The following TNFRSF21 variants were observed in gnomAD, a reference collection of about 807,000 sequenced individuals.
The protein encoded by TNFRSF21 is TNF receptor superfamily member 21, also known as tumor necrosis factor receptor superfamily member 21.
TNFRSF21 carries 19 observed loss-of-function variants against 45.6 expected under a neutral mutation model. The ratio of observed to expected loss-of-function variants is 0.42; its 90% CI spans 0.29 to 0.61. The LOEUF is 0.61. Among genes scored for constraint, TNFRSF21 ranks in the 20% least tolerant of loss-of-function variants. The pLI is 0.23. For synonymous variants in TNFRSF21, 314 were observed against 335.5 expected, an observed-to-expected ratio of 0.94 and a Z score of 0.70; for missense variants, 737 against 851.5, an observed-to-expected ratio of 0.87 and a Z score of 1.67.
At chr6:47,271,611 G>A (rs540205653) in intron 3 of TNFRSF21, among the ~76,000 whole-genome samples, 4 of 152,140 alleles carry the variant, frequency 2.6e-5, no homozygotes, top group African/African-American at 4.8e-5. Flanking sequence ...ATCAATTAAC[G>A]GGCAAAATAA....
At chr6:47,281,545 T>A (rs1762567288) in intron 3 of TNFRSF21, among the ~76,000 whole-genome samples, 1 of 152,146 alleles carries the variant, frequency 6.6e-6, no homozygotes, top group Non-Finnish European at 1.5e-5. Context: ...CATACCTGGC[T>A]AATTACTGTA....
intron 1 of TNFRSF21, among the ~76,000 whole-genome samples, chr6:47,297,705 T>C (rs994976633): frequency 5.9e-5 from 9 of 152,088 alleles, no homozygotes; most frequent in African/African-American, 2.2e-4. Flanking sequence ...ATATTTTTAG[T>C]AGAGACGGGA....
chr6:47,296,034 C>G (rs1422237965), intron 1 of TNFRSF21, among the ~76,000 whole-genome samples: 1 of 152,194 alleles, frequency 6.6e-6, no homozygotes, highest in Non-Finnish European at 1.5e-5. Context: ...CCTGGGGCCA[C>G]AGAACCTCAT....
At chr6:47,259,107 A>T (rs1350601284) in intron 3 of TNFRSF21, among the ~76,000 whole-genome samples, 1 of 152,262 alleles carries the variant, frequency 6.6e-6, no homozygotes, top group African/African-American at 2.4e-5. Flanking sequence ...GAAGACAATG[A>T]AAGTTCCCAC....
At chr6:47,241,867 G>T (rs1245219399) in intron 4 of TNFRSF21, among the ~76,000 whole-genome samples, 1 of 152,036 alleles carries the variant, frequency 6.6e-6, no homozygotes, top group Non-Finnish European at 1.5e-5. Flanking sequence ...TTCTTCTCCT[G>T]CACAGCCCAG....
chr6:47,270,912 T>C (rs1174188209), intron 3 of TNFRSF21, among the ~76,000 whole-genome samples: 2 of 152,062 alleles, frequency 1.3e-5, no homozygotes, highest in Non-Finnish European at 2.9e-5. Flanking sequence ...GAAAATAGGG[T>C]ATCAGTGATT....
In TNFRSF21 at chr6:47,253,342, G is replaced by T; in HGVS notation, c.1423C>A (p.Leu475Ile). The change falls in exon 4 of 6, where the codon CTC becomes ATC. Residue 475 changes from leucine (L) to isoleucine (I), a missense_variant. Coordinates refer to ENST00000296861, the MANE Select transcript of TNFRSF21 (RefSeq NM_014452.5). Reference protein sequence around the residue: ...HWTIRGPEASLAQLISALRQH... With the variant: ...HWTIRGPEASIAQLISALRQH... ...CGCAGGGCGCTAATTAGCTGGGCGA[G>T]GCTGGCCTCGGGGCCCCGGATGGTC... The T allele has an allele frequency of 1.2e-6, 2 of 1,614,074 alleles. No homozygotes were observed. Among genetic ancestry groups the T allele is most frequent in the Non-Finnish European group, 1.7e-6 (2 of 1,180,006 alleles).
In TNFRSF21 at chr6:47,309,544, G is replaced by T; in HGVS notation, c.-33C>A. ...CCGGGGACTCGCAGGGGCGCCCGGGGCGCGCGGGGCAGCTGGAATCGGCGG... is the reference window on the plus strand; with the variant it reads ...CCGGGGACTCGCAGGGGCGCCCGGGTCGCGCGGGGCAGCTGGAATCGGCGG... On this transcript the variant is annotated 5_prime_UTR_variant, in exon 1 of 6. Coordinates refer to ENST00000296861, the MANE Select transcript of TNFRSF21 (RefSeq NM_014452.5). 7.1e-7 allele frequency: 1 copy of T among 1,403,510 alleles called. No homozygotes were observed. Among genetic ancestry groups the T allele is most frequent in the Non-Finnish European group, 9.2e-7 (1 of 1,087,808 alleles). 86.9% of individuals were successfully genotyped at this position (1,403,510 alleles called of 1,614,324 possible). A position where few individuals can be genotyped will look rare whatever the true frequency, so the allele number is the denominator to read the frequency against.
rs762869357 is a variant in TNFRSF21, at chr6:47,253,410, T to C, written c.1355A>G (p.Tyr452Cys). The change falls in exon 4 of 6, where the codon TAC becomes TGC. Residue 452 changes from tyrosine (Y) to cysteine (C), a missense_variant. Physicochemically the swap from Tyr to Cys is radical, Grantham distance 194 (BLOSUM62 -2). Transcript: ENST00000296861. ...GTAGGCCCGCTCGTGGTCGGCTGTG[T>C]ACCCATTGGAGAAAGCAGCAACCTC... The part of the protein sequence containing the change: ...EREVAAFSNG[Y>C]TADHERAYAA... The C allele has an allele frequency of 2.5e-6, 4 of 1,614,184 alleles. No individual in the cohort carries two copies. Among genetic ancestry groups the C allele is most frequent in the Non-Finnish European group, 2.5e-6 (3 of 1,180,018 alleles).
chr6:47,309,608 G>C lies in TNFRSF21; in HGVS notation c.-97C>G. On this transcript the variant is annotated 5_prime_UTR_variant, in exon 1 of 6. Transcript: ENST00000296861. ...GCGCCGCATCCACCGCCGCCTCCCG[G>C]GCCGGGAGCCCATCTACCTCCAACA... is the stretch of plus-strand genomic sequence containing the variant. The C allele has an allele frequency of 2.9e-6, 4 of 1,365,980 alleles. No homozygotes were observed. Among genetic ancestry groups the C allele is most frequent in the Non-Finnish European group, 3.7e-6 (4 of 1,068,046 alleles). 84.6% of individuals were successfully genotyped at this position (1,365,980 alleles called of 1,614,324 possible).
chr6:47,270,784 AT>A (rs1305204347), intron 3 of TNFRSF21, among the ~76,000 whole-genome samples: 8 of 152,208 alleles, frequency 5.3e-5, no homozygotes, highest in African/African-American at 1.9e-4. Context: ...AGTTAGACTA[AT>A]GGCTAACTAG....
Position 47,286,460 on chromosome 6 carries a change from C to T in TNFRSF21, c.232G>A (p.Glu78Lys). ...CGCAGGCTTGTGTTGGTACAATGCT[C>T]AGAGACATAGGTTCCTGCTGGACAC... ...DKCPAGTYVS[E>K]HCTNTSLRVC... The change falls in exon 2 of 6, where the codon GAG becomes AAG. Residue 78 changes from glutamate (E) to lysine (K), a missense_variant. Physicochemically the swap from Glu to Lys is moderately conservative, Grantham distance 56 (BLOSUM62 1). Coordinates refer to ENST00000296861, the MANE Select transcript of TNFRSF21 (RefSeq NM_014452.5). The T allele has an allele frequency of 6.2e-7, 1 of 1,614,236 alleles. No homozygotes were observed. The highest frequency in any genetic ancestry group is 8.5e-7 in the Non-Finnish European group (1 of 1,180,050).
chr6:47,309,161 T>G (rs1203416542), intron 1 of TNFRSF21, among the ~76,000 whole-genome samples: 2 of 152,118 alleles, frequency 1.3e-5, no homozygotes, highest in African/African-American at 4.8e-5. Flanking sequence ...TAGCGTCTCC[T>G]CCAGCAAAGC....
Position 47,284,423 on chromosome 6 carries a change from G to A in TNFRSF21, c.758C>T (p.Ser253Leu). Reference protein sequence around the residue: ...SSTYVPKGMNSTESNSSASVR... With the variant: ...SSTYVPKGMNLTESNSSASVR... Reference sequence around the variant, plus strand: ...AGAGGCAGAAGAGTTGGATTCTGTTGAGTTCATGCCTAGAAAAAAGAGTAA... The same window carrying A: ...AGAGGCAGAAGAGTTGGATTCTGTTAAGTTCATGCCTAGAAAAAAGAGTAA... The change falls in exon 3 of 6, where the codon TCA becomes TTA. Residue 253 changes from serine (S) to leucine (L), a missense_variant. Physicochemically the swap from Ser to Leu is moderately radical, Grantham distance 145. Transcript: ENST00000296861. 1 of 1,517,680 alleles carries A rather than the reference G, an allele frequency of 6.6e-7. No individual in the cohort carries two copies. Among genetic ancestry groups the A allele is most frequent in the Non-Finnish European group, 8.8e-7 (1 of 1,134,742 alleles). 94.0% of individuals were successfully genotyped at this position (1,517,680 alleles called of 1,614,324 possible). A position where few individuals can be genotyped will look rare whatever the true frequency, so the allele number is the denominator to read the frequency against.
chr6:47,295,204 C>G (rs1405945888), intron 1 of TNFRSF21, among the ~76,000 whole-genome samples: 1 of 152,168 alleles, frequency 6.6e-6, no homozygotes, highest in East Asian at 1.9e-4. Flanking sequence ...TTCTCGGACA[C>G]AGAGATGGGC....
chr6:47,268,482 G>A lies in TNFRSF21; in HGVS notation c.1244-14961C>T, dbSNP rs149750394. Among the ~76,000 whole-genome samples the A allele has an allele frequency of 3.3e-3, 509 of 152,252 alleles. 2 individuals are homozygous for A. Among genetic ancestry groups the A allele is most frequent in the African/African-American group, 0.011 (474 of 41,548 alleles). On this transcript the variant is annotated intron_variant, in intron 3 of 5. Coordinates refer to ENST00000296861, the MANE Select transcript of TNFRSF21 (RefSeq NM_014452.5). ...AGAAAGGTGCTCAAGTCTCTAAGAG[G>A]GTTCAAGGAAAGGAGGCATAAAGAA...
intron 3 of TNFRSF21, among the ~76,000 whole-genome samples, chr6:47,269,435 A>C (rs1762381853): frequency 6.6e-6 from 1 of 152,244 alleles, no homozygotes; most frequent in African/African-American, 2.4e-5. Flanking sequence ...GCAGCTGAAT[A>C]ACAAGTCTTT....
chr6:47,242,098 A>G (rs368099236), intron 4 of TNFRSF21, among the ~76,000 whole-genome samples: 3 of 152,072 alleles, frequency 2.0e-5, no homozygotes, highest in African/African-American at 7.2e-5. Context: ...GACCACAGAG[A>G]TGGCATAGGT....
intron 1 of TNFRSF21, 46 bp downstream of exon 1, chr6:47,309,369 CT>C: frequency 6.6e-7 from 1 of 1,510,970 alleles, no homozygotes; most frequent in Non-Finnish European, 8.8e-7. Flanking sequence ...AGAGCGGTTC[CT>C]TCTGCTCCGG....
Sources: gnomAD v4.1 joint callset for allele counts (sites outside exome capture counted in the v4.1 genomes callset) on GRCh38, gnomAD v4.1.1 for gene constraint, MANE v1.5 for transcripts, NCBI Gene and HGNC (gene_info 2026-07-23, HGNC 2026-07-21) for gene names.